The following ADGRB3 variants were observed in gnomAD, a reference collection of about 807,000 sequenced individuals.
The protein encoded by ADGRB3 is adhesion G protein-coupled receptor B3.
In ADGRB3, 37 loss-of-function variants were observed where a neutral mutation model predicts 193.4. That is an observed-to-expected ratio of 0.19 (90% confidence interval 0.15 to 0.25). The LOEUF (loss-of-function observed/expected upper bound fraction) is 0.25. Among genes scored for constraint, ADGRB3 ranks in the 10% least tolerant of loss-of-function variants. The pLI, the probability that ADGRB3 is intolerant of heterozygous loss-of-function variation, is 1.00. For synonymous variants in ADGRB3, 690 were observed against 644.2 expected, an observed-to-expected ratio of 1.07 and a Z score of -1.08; for missense variants, 1,637 against 1,852.9, an observed-to-expected ratio of 0.88 and a Z score of 2.14.
intron 3 of ADGRB3, among the ~76,000 whole-genome samples, chr6:68,644,948 G>A (rs1316293191): frequency 6.6e-6 from 1 of 152,068 alleles, no homozygotes; most frequent in Non-Finnish European, 1.5e-5. Flanking sequence ...TATCAAAATC[G>A]AGATAGGAAT....
chr6:68,745,705 T>C (rs12200101), intron 3 of ADGRB3, among the ~76,000 whole-genome samples: 60,044 of 151,426 alleles, frequency 0.4, 12,420 homozygotes, highest in East Asian at 0.65. Context: ...TGTATATTAA[T>C]ATGTATATTT....
intron 20 of ADGRB3, among the ~76,000 whole-genome samples, chr6:69,277,141 C>T (rs755356386): frequency 1.3e-5 from 2 of 151,830 alleles, no homozygotes; most frequent in East Asian, 1.9e-4. Context: ...ATTACAGGCA[C>T]GAGCCACCAT....
chr6:68,856,156 A>C (rs1764981400), intron 3 of ADGRB3, among the ~76,000 whole-genome samples: 1 of 152,038 alleles, frequency 6.6e-6, no homozygotes, highest in Non-Finnish European at 1.5e-5. Context: ...GGGACTGTGA[A>C]TTCTCCATTA....
rs1766233031 is a variant in ADGRB3, at chr6:69,235,148, T to C, written c.2711+13T>C. ...CAGCATTATGGAGGTAAGTAATCAA[T>C]TGATAGACCTGAAATGCAATGCTTA... On this transcript the variant is annotated intron_variant, in intron 19 of 31. Coordinates refer to ENST00000370598, the MANE Select transcript of ADGRB3 (RefSeq NM_001704.3). The C allele has an allele frequency of 3.2e-6, 5 of 1,544,580 alleles. No individual in the cohort carries two copies. Among genetic ancestry groups the C allele is most frequent in the East Asian group, 2.3e-5 (1 of 44,416 alleles).
At chr6:69,127,911 T>C (rs903496074) in intron 17 of ADGRB3, among the ~76,000 whole-genome samples, 2 of 150,838 alleles carry the variant, frequency 1.3e-5, no homozygotes, top group African/African-American at 4.9e-5. Flanking sequence ...TTTTTGTTTT[T>C]TTTTTCTGGC....
At chr6:68,842,357 C>A (rs964812344) in intron 3 of ADGRB3, among the ~76,000 whole-genome samples, 16 of 151,532 alleles carry the variant, frequency 1.1e-4, no homozygotes, top group African/African-American at 3.6e-4. Flanking sequence ...CTATAAAATT[C>A]AAAACATCAT....
chr6:69,329,146 T>A (rs1768651372), intron 22 of ADGRB3, among the ~76,000 whole-genome samples: 1 of 152,018 alleles, frequency 6.6e-6, no homozygotes, highest in Admixed American at 6.6e-5. Context: ...GAAGATTAGT[T>A]TACATAAAAT....
At position 69,206,589 on chromosome 6, in the gene ADGRB3, C is replaced by A. The variant is rs528964228; in HGVS notation, c.2481-26701C>A. Among the ~76,000 whole-genome samples, 138 of 152,182 alleles carry A rather than the reference C, an allele frequency of 9.1e-4. 1 individual carries two copies. The highest frequency in any genetic ancestry group is 3.2e-3 in the African/African-American group (134 of 41,524). On this transcript the variant is annotated intron_variant, in intron 17 of 31. Transcript: ENST00000370598. ...CAACTATCCTTCGTACAACCAGAAA[C>A]GCACCAATCCCCAACTCAAATATTA...
chr6:69,337,363 A>C (rs931369123), intron 24 of ADGRB3, among the ~76,000 whole-genome samples: 7 of 152,162 alleles, frequency 4.6e-5, no homozygotes, highest in African/African-American at 1.7e-4. Context: ...TTAGTTAGAG[A>C]AGTGGTACTT....
At chr6:69,118,451 A>ATTTTC (rs1029371971) in intron 17 of ADGRB3, among the ~76,000 whole-genome samples, 3 of 106,554 alleles carry the variant, frequency 2.8e-5, no homozygotes, top group Admixed American at 2.4e-4. Flanking sequence ...TACCAGAGTA[A>ATTTTC]AGGCCCAGGT....
intron 3 of ADGRB3, among the ~76,000 whole-genome samples, chr6:68,657,395 G>C (rs912359207): frequency 1.3e-5 from 2 of 151,424 alleles, no homozygotes; most frequent in African/African-American, 4.8e-5. Flanking sequence ...GAATGCAAAT[G>C]AGGTAAATTT....
At chr6:69,262,352 T>C (rs895873313) in intron 20 of ADGRB3, among the ~76,000 whole-genome samples, 1 of 152,060 alleles carries the variant, frequency 6.6e-6, no homozygotes, top group Non-Finnish European at 1.5e-5. Flanking sequence ...CTTGAAAGCA[T>C]GTGAAACTCA....
intron 17 of ADGRB3, among the ~76,000 whole-genome samples, chr6:69,144,861 G>A (rs1013762705): frequency 2.0e-5 from 2 of 102,232 alleles, no homozygotes; most frequent in African/African-American, 7.2e-5. Flanking sequence ...ACATTGGTCT[G>A]TAGTTTGTTT....
chr6:68,871,861 C>G (rs1307521092), intron 3 of ADGRB3, among the ~76,000 whole-genome samples: 1 of 151,956 alleles, frequency 6.6e-6, no homozygotes, highest in African/African-American at 2.4e-5. Flanking sequence ...TAAAATCTAC[C>G]TAAAGGCGAG....
chr6:68,639,476 G>C, intron 3 of ADGRB3, 44 bp downstream of exon 3: 1 of 1,519,522 alleles, frequency 6.6e-7, no homozygotes, highest in South Asian at 1.3e-5. Context: ...GAGCACTTTT[G>C]GGGGATGGAG....
chr6:69,308,533 T>G (rs183456570), intron 20 of ADGRB3, among the ~76,000 whole-genome samples: 16 of 151,882 alleles, frequency 1.1e-4, no homozygotes, highest in Admixed American at 2.0e-4. Flanking sequence ...GTTTATCAAC[T>G]AAAAGCATAA....
chr6:69,333,059 C>A, intron 24 of ADGRB3, 51 bp downstream of exon 24: 1 of 1,572,820 alleles, frequency 6.4e-7, no homozygotes, highest in Non-Finnish European at 8.7e-7. Context: ...GAATCCCATA[C>A]TCCAATTTCA....
intron 3 of ADGRB3, among the ~76,000 whole-genome samples, chr6:68,898,006 GTA>G (rs1289089076): frequency 6.8e-6 from 1 of 146,134 alleles, no homozygotes; most frequent in Non-Finnish European, 1.5e-5. Flanking sequence ...TAATAAAAAT[GTA>G]TATATATAGA....
intron 3 of ADGRB3, among the ~76,000 whole-genome samples, chr6:68,728,084 C>T (rs1311099985): frequency 1.3e-5 from 2 of 151,278 alleles, no homozygotes; most frequent in Admixed American, 6.6e-5. Flanking sequence ...TGGCTTTTTA[C>T]TTGTAAGTTT....
Sources: allele counts gnomAD v4.1 joint callset (sites outside exome capture counted in the v4.1 genomes callset), GRCh38; gene constraint gnomAD v4.1.1; transcripts MANE v1.5; gene names NCBI Gene and HGNC (gene_info 2026-07-23, HGNC 2026-07-21).